TTC39B: variants seen among roughly 807,000 people sequenced by gnomAD.
TTC39B encodes the protein tetratricopeptide repeat protein 39B.
TTC39B carries 92 observed loss-of-function variants against 96.6 expected under a neutral mutation model. That is an observed-to-expected ratio of 0.95 (90% CI 0.80 to 1.13). The LOEUF (loss-of-function observed/expected upper bound fraction) is 1.13, where lower values mean the gene tolerates loss of function less well. Ranked by LOEUF, TTC39B falls within the 50% of genes most tolerant of loss-of-function variation. The pLI is 0.00. For synonymous variants in TTC39B, 367 were observed against 299.4 expected (o/e 1.23, Z -2.33); for missense variants, 955 against 809.3 (o/e 1.18, Z -2.18).
rs1464576369 is a variant in TTC39B at position 15,182,400 on chromosome 9, A to C, written c.1630T>G (p.Trp544Gly). 3 of 1,610,514 alleles carry C rather than the reference A, an allele frequency of 1.9e-6. No individual in the cohort carries two copies. The South Asian group carries it at 3.3e-5, about 18-fold the overall frequency. The change falls in exon 17 of 20, where the codon TGG becomes GGG. Residue 544 changes from tryptophan to glycine, a missense_variant. By Grantham distance (184) the Trp-to-Gly change is radical. Coordinates refer to ENST00000512701, the Ensembl canonical transcript of TTC39B. The stretch of plus-strand genomic sequence containing the variant: ...TTGCTCACTATTGAAAAACCATTCC[A>C]GACATACATCATTTCCTAATGAGGA...
At chr9:15,275,363 C>T (rs1349759997) in intron 1 of TTC39B, among the ~76,000 whole-genome samples, 1 of 152,108 alleles carries the variant, frequency 6.6e-6, no homozygotes, top group Admixed American at 6.5e-5. Context: ...CTTTGTATTG[C>T]TTTGTTTCTC....
intron 1 of TTC39B, among the ~76,000 whole-genome samples, chr9:15,284,656 T>C (rs1823890614): frequency 6.6e-6 from 1 of 152,196 alleles, no homozygotes; most frequent in Admixed American, 6.5e-5. Flanking sequence ...TGCATTTATT[T>C]AACAAAAGCC....
At chr9:15,173,863 C>T (rs981606541) in intron 19 of TTC39B, among the ~76,000 whole-genome samples, 1 of 152,130 alleles carries the variant, frequency 6.6e-6, no homozygotes, top group African/African-American at 2.4e-5. Flanking sequence ...ATGGTCTGAA[C>T]AGAAGTATGT....
At chr9:15,191,223 T>G in exon 10 of TTC39B, 2 of 1,610,272 alleles carry the variant, frequency 1.2e-6, no homozygotes, top group Non-Finnish European at 1.7e-6. Context: ...ATTCTAGTAG[T>G]CTGATAATCC....
intron 1 of TTC39B, among the ~76,000 whole-genome samples, chr9:15,301,164 C>A (rs375507184): frequency 6.6e-6 from 1 of 152,196 alleles, no homozygotes; most frequent in Non-Finnish European, 1.5e-5. Flanking sequence ...CCTTTCAAGT[C>A]TTTGCCGGAC....
intron 18 of TTC39B, among the ~76,000 whole-genome samples, chr9:15,177,137 T>A (rs911579642): frequency 2.0e-5 from 3 of 152,040 alleles, no homozygotes; most frequent in Admixed American, 6.6e-5. Context: ...CAAATATCCA[T>A]GGAATAAATG....
At chr9:15,193,606 T>C (rs1818982808) in intron 8 of TTC39B, among the ~76,000 whole-genome samples, 1 of 152,212 alleles carries the variant, frequency 6.6e-6, no homozygotes, top group Non-Finnish European at 1.5e-5. Flanking sequence ...CTGCTGTCAT[T>C]TCCCCTGGGT....
intron 3 of TTC39B, among the ~76,000 whole-genome samples, chr9:15,215,043 C>A (rs1029371650): frequency 1.3e-5 from 2 of 152,084 alleles, no homozygotes; most frequent in Non-Finnish European, 2.9e-5. Context: ...TGCTTGAGGC[C>A]GGGAGCTCAA....
intron 17 of TTC39B, among the ~76,000 whole-genome samples, chr9:15,181,755 C>T (rs1818259860): frequency 1.3e-5 from 2 of 152,200 alleles, no homozygotes; most frequent in African/African-American, 2.4e-5. Flanking sequence ...GGGAAGTGCA[C>T]GTTTCCTTGT....
intron 2 of TTC39B, among the ~76,000 whole-genome samples, chr9:15,256,988 C>A (rs536653598): frequency 6.6e-6 from 1 of 152,168 alleles, no homozygotes; most frequent in African/African-American, 2.4e-5. Flanking sequence ...AAGGATCACT[C>A]TTGTCCTGAT....
Position 15,187,544 on chromosome 9 carries a change from C to T in TTC39B, c.1395+427G>A, listed in dbSNP as rs556364380. 4.5e-4 allele frequency among the ~76,000 whole-genome samples: 69 copies of T among 152,274 alleles called. 1 individual carries two copies. The highest frequency in any genetic ancestry group is 1.9e-3 in the Admixed American group (29 of 15,300). On this transcript the variant is annotated intron_variant, in intron 14 of 19. Coordinates refer to ENST00000512701, the Ensembl canonical transcript of TTC39B. ...GTGTGATCATAGCTCACTGTAGCCT[C>T]GAACTCTTGGACTCAAGCTATCCTC...
intron 1 of TTC39B, among the ~76,000 whole-genome samples, chr9:15,292,635 C>T (rs1185680115): frequency 6.6e-6 from 1 of 152,154 alleles, no homozygotes; most frequent in Non-Finnish European, 1.5e-5. Flanking sequence ...AGCCATGTTA[C>T]TGCCCCTGAA....
exon 7 of TTC39B, chr9:15,203,877 A>G: frequency 2.5e-6 from 4 of 1,613,354 alleles, no homozygotes; most frequent in Non-Finnish European, 3.4e-6. Flanking sequence ...AACAGATTTC[A>G]GCATGCATTT....
intron 1 of TTC39B, among the ~76,000 whole-genome samples, chr9:15,305,730 G>C (rs1452698854): frequency 2.0e-5 from 3 of 149,732 alleles, no homozygotes; most frequent in Admixed American, 1.3e-4. Flanking sequence ...AGCATAGCTG[G>C]GGTGACCATT....
chr9:15,301,415 G>C (rs548177163), intron 1 of TTC39B, among the ~76,000 whole-genome samples: 1 of 152,348 alleles, frequency 6.6e-6, no homozygotes, highest in Non-Finnish European at 1.5e-5. Flanking sequence ...AGCATTTAAA[G>C]ACTGTTAGGA....
rs146458821 is a variant in TTC39B, at chr9:15,198,222, G to A, written c.824+1639C>T. 1.8e-3 allele frequency among the ~76,000 whole-genome samples: 272 copies of A among 152,228 alleles called. 2 individuals carry two copies. Among genetic ancestry groups the A allele is most frequent in the African/African-American group, 6.0e-3 (251 of 41,542 alleles). On this transcript the variant is annotated intron_variant, in intron 8 of 19. Transcript: ENST00000512701. The stretch of plus-strand genomic sequence containing the variant: ...GCCTGTAATCCCAGCGCTTTGGGAG[G>A]CCAAGACGGGTGGATCACGAGGTCA...
At chr9:15,285,630 G>A (rs527876617) in intron 1 of TTC39B, among the ~76,000 whole-genome samples, 2 of 152,152 alleles carry the variant, frequency 1.3e-5, no homozygotes, top group Admixed American at 1.3e-4. Context: ...CGAGGCGGGC[G>A]GATCACGAGG....
intron 8 of TTC39B, among the ~76,000 whole-genome samples, chr9:15,199,579 C>CA (rs1819393686): frequency 6.6e-6 from 1 of 150,840 alleles, no homozygotes; most frequent in Non-Finnish European, 1.5e-5. Context: ...ACTAAAAATA[C>CA]AAAAAATTAG....
In TTC39B at chr9:15,185,288, G is replaced by GT; in HGVS notation, c.1605dup (p.Pro536ThrfsTer23). ...AAAATAAAAGCAGATACCAGGGCAGGTAAGATGAGCTTCACAGGTGCAGGT... is the reference window on the plus strand; with the variant it reads ...AAAATAAAAGCAGATACCAGGGCAGGTTAAGATGAGCTTCACAGGTGCAGGT... On this transcript the variant is annotated frameshift_variant, in exon 16 of 20. Transcript: ENST00000512701. LOFTEE classifies it high-confidence loss of function. 6.2e-7 allele frequency: 1 copy of GT among 1,612,640 alleles called. No individual in the cohort carries two copies. The highest frequency in any genetic ancestry group is 8.5e-7 in the Non-Finnish European group (1 of 1,179,356).
Sources: allele counts gnomAD v4.1 joint callset (sites outside exome capture counted in the v4.1 genomes callset), GRCh38; gene constraint gnomAD v4.1.1; transcripts MANE v1.5; gene names NCBI Gene and HGNC (gene_info 2026-07-23, HGNC 2026-07-21).